Variants in CACHD1 observed in about 807,000 individuals in gnomAD.
CACHD1 encodes VWFA and cache domain-containing protein 1.
CACHD1 carries 71 observed loss-of-function variants against 138.7 expected under a neutral mutation model. The observed-to-expected ratio is 0.51, with a 90% confidence interval of 0.42 to 0.62. The LOEUF (loss-of-function observed/expected upper bound fraction) is 0.62. Ranked by LOEUF, CACHD1 falls within the 20% of genes least tolerant of loss-of-function variation. CACHD1 has a pLI of 0.00. For synonymous variants in CACHD1, 578 were observed against 591.5 expected (o/e 0.98, Z 0.33); for missense variants, 1,389 against 1,625.3 (o/e 0.85, Z 2.50).
intron 1 of CACHD1, among the ~76,000 whole-genome samples, chr1:64,499,736 T>C (rs953327471): frequency 3.3e-5 from 5 of 152,242 alleles, no homozygotes; most frequent in Non-Finnish European, 5.9e-5. Context: ...AATGGCATAA[T>C]CTTCAGTACT....
At chr1:64,634,374 G>GTAT (rs151171151) in intron 7 of CACHD1, 114 bp downstream of exon 7, 16 of 259,736 alleles carry the variant, frequency 6.2e-5, no homozygotes, top group Non-Finnish European at 5.2e-5. Flanking sequence ...ATTTATTTAT[G>GTAT]TATGTATTTA....
intron 9 of CACHD1, among the ~76,000 whole-genome samples, chr1:64,651,397 G>A (rs1266232411): frequency 6.6e-6 from 1 of 151,902 alleles, no homozygotes; most frequent in African/African-American, 2.4e-5. Flanking sequence ...GCATTAATGG[G>A]GTATAGTAAT....
chr1:64,660,853 T>A (rs1649420227), intron 13 of CACHD1, among the ~76,000 whole-genome samples: 2 of 152,228 alleles, frequency 1.3e-5, no homozygotes, highest in Non-Finnish European at 2.9e-5. Context: ...ATGTGGCTAC[T>A]GGAAAATTTT....
At chr1:64,528,738 G>A (rs1006723837) in intron 1 of CACHD1, among the ~76,000 whole-genome samples, 3 of 151,972 alleles carry the variant, frequency 2.0e-5, no homozygotes, top group African/African-American at 7.2e-5. Flanking sequence ...GAGATTTAGA[G>A]TATTATAAAC....
At chr1:64,611,074 G>A (rs913257030) in intron 4 of CACHD1, among the ~76,000 whole-genome samples, 19 of 152,192 alleles carry the variant, frequency 1.2e-4, no homozygotes, top group African/African-American at 4.3e-4. Context: ...GCCCCTTTTA[G>A]CCATGGCTGG....
Position 64,653,875 on chromosome 1 carries a change from T to A in CACHD1, c.1658T>A (p.Ile553Asn), listed in dbSNP as rs1649181711. The change falls in exon 11 of 27, where the codon ATC becomes AAC. Residue 553 changes from isoleucine (I) to asparagine (N), a missense_variant. Ile to Asn is a moderately radical substitution (Grantham distance 149). Coordinates refer to ENST00000651257, the MANE Select transcript of CACHD1 (RefSeq NM_020925.4). The stretch of plus-strand genomic sequence containing the variant: ...AAATTTGAATTAGTTCGGCAAAATA[T>A]CCTAAGGTAAGGAAAAGGTGAGGGT... ...IPKFELVRQN[I>N]LSLPLGSQII... is the part of the protein sequence containing the mutation. The A allele has an allele frequency of 6.2e-7, 1 of 1,612,850 alleles. No individual in the cohort carries two copies. Among genetic ancestry groups the A allele is most frequent in the African/African-American group, 1.3e-5 (1 of 74,972 alleles).
chr1:64,686,868 G>A (rs1020192338), intron 26 of CACHD1, among the ~76,000 whole-genome samples: 15 of 152,186 alleles, frequency 9.9e-5, no homozygotes, highest in African/African-American at 3.1e-4. Flanking sequence ...GTAGATGAAC[G>A]TAAGACCATT....
At chr1:64,535,631 AT>A (rs1274741214) in intron 1 of CACHD1, among the ~76,000 whole-genome samples, 2 of 152,096 alleles carry the variant, frequency 1.3e-5, no homozygotes, top group Non-Finnish European at 2.9e-5. Flanking sequence ...AGCTCTGGGA[AT>A]TTGGATTTGT....
intron 2 of CACHD1, among the ~76,000 whole-genome samples, chr1:64,581,831 T>C (rs1490328514): frequency 6.6e-6 from 1 of 152,256 alleles, no homozygotes; most frequent in Admixed American, 6.5e-5. Flanking sequence ...ATGCCCACTG[T>C]CATGCTGACA....
intron 7 of CACHD1, among the ~76,000 whole-genome samples, chr1:64,639,915 C>T (rs1648648950): frequency 6.6e-6 from 1 of 152,176 alleles, no homozygotes; most frequent in Non-Finnish European, 1.5e-5. Context: ...GCCTATTGCC[C>T]AGAGCTGCTG....
At chr1:64,668,089 G>A (rs779341534) in intron 16 of CACHD1, among the ~76,000 whole-genome samples, 4 of 152,062 alleles carry the variant, frequency 2.6e-5, no homozygotes, top group Non-Finnish European at 5.9e-5. Context: ...AGCACATTGG[G>A]AGGCCAAGGC....
intron 15 of CACHD1, among the ~76,000 whole-genome samples, chr1:64,665,501 T>G (rs1221416798): frequency 6.6e-6 from 1 of 151,884 alleles, no homozygotes; most frequent in Non-Finnish European, 1.5e-5. Flanking sequence ...ATACTACATA[T>G]CTTAGTAAAT....
At chr1:64,552,382 A>T (rs1646765452) in intron 2 of CACHD1, among the ~76,000 whole-genome samples, 1 of 152,042 alleles carries the variant, frequency 6.6e-6, no homozygotes, top group South Asian at 2.1e-4. Flanking sequence ...AAAATAAGTT[A>T]TTTGTAGTTG....
chr1:64,471,139 C>T (rs1646141658), intron 1 of CACHD1, among the ~76,000 whole-genome samples, 197 bp downstream of exon 1: 1 of 152,144 alleles, frequency 6.6e-6, no homozygotes, highest in Non-Finnish European at 1.5e-5. Context: ...ATTCGTCTAC[C>T]CCTGCCCTTC....
At chr1:64,533,531 A>C (rs1221484472) in intron 1 of CACHD1, among the ~76,000 whole-genome samples, 1 of 152,228 alleles carries the variant, frequency 6.6e-6, no homozygotes, top group Non-Finnish European at 1.5e-5. Flanking sequence ...TATATTAATA[A>C]GTGAAGAAAT....
chr1:64,563,009 G>A lies in CACHD1; in HGVS notation c.261+12353G>A, dbSNP rs144951126. On this transcript the variant is annotated intron_variant, in intron 2 of 26. Transcript: ENST00000651257. Reference sequence around the variant, plus strand: ...TTGTGAGGAGTGTTTGTTTGTTTTAGCAGGCAATTAACTTGACTGGAATCA... The same window carrying A: ...TTGTGAGGAGTGTTTGTTTGTTTTAACAGGCAATTAACTTGACTGGAATCA... 5.4e-3 allele frequency among the ~76,000 whole-genome samples: 828 copies of A among 152,122 alleles called. 8 individuals are homozygous for A. The highest frequency in any genetic ancestry group is 0.019 in the African/African-American group (790 of 41,492).
intron 3 of CACHD1, among the ~76,000 whole-genome samples, chr1:64,588,833 G>A (rs1240106213): frequency 6.6e-6 from 1 of 152,070 alleles, no homozygotes; most frequent in Admixed American, 6.6e-5. Flanking sequence ...CATAAGCTAC[G>A]GAGGAAATAC....
In CACHD1 at chr1:64,676,050, T is replaced by C. The variant is rs139909788; in HGVS notation, c.2975+67T>C. 2.4e-3 allele frequency: 1,132 copies of C among 475,148 alleles called. 14 individuals carry two copies. Among genetic ancestry groups the C allele is most frequent in the African/African-American group, 0.022 (1,061 of 48,608 alleles). The allele number at this position is 475,148 out of a possible 1,614,324, so 29.4% of individuals were successfully genotyped here. A position where few individuals can be genotyped will look rare whatever the true frequency, so the allele number is the denominator to read the frequency against. On this transcript the variant is annotated intron_variant, in intron 21 of 26. Coordinates refer to ENST00000651257, the MANE Select transcript of CACHD1 (RefSeq NM_020925.4). ...AATAATAATAATAATACATATGTAA[T>C]ACTGTGAGTCTCTTATAGATTTGTT...
At chr1:64,533,546 A>T (rs1355139038) in intron 1 of CACHD1, among the ~76,000 whole-genome samples, 1 of 152,208 alleles carries the variant, frequency 6.6e-6, no homozygotes, top group Non-Finnish European at 1.5e-5. Context: ...AGAAATGCCA[A>T]ACAGAGTTAC....
Sources: gnomAD v4.1 joint callset for allele counts (sites outside exome capture counted in the v4.1 genomes callset) on GRCh38, gnomAD v4.1.1 for gene constraint, MANE v1.5 for transcripts, NCBI Gene and HGNC (gene_info 2026-07-23, HGNC 2026-07-21) for gene names.